Variants in COG5 observed in about 807,000 individuals in gnomAD.
COG5 encodes component of oligomeric golgi complex 5, also known as conserved oligomeric Golgi complex subunit 5.
COG5 carries 86 observed loss-of-function variants against 110.4 expected under a neutral mutation model. That is an observed-to-expected ratio of 0.78 (90% confidence interval 0.65 to 0.93). COG5 has a LOEUF of 0.93. Among genes scored for constraint, COG5 ranks in the 40% least tolerant of loss-of-function variants. COG5 has a pLI of 0.00. For missense variants in COG5, 1,077 were observed against 987.0 expected (o/e 1.09, Z -1.22); for synonymous variants, 360 against 334.6 (o/e 1.08, Z -0.83).
intron 7 of COG5, among the ~76,000 whole-genome samples, chr7:107,382,119 A>C (rs1563001111): frequency 6.6e-6 from 1 of 152,154 alleles, no homozygotes; most frequent in Admixed American, 6.5e-5. Context: ...TCCAGTGGGG[A>C]AACTGGCCTC....
chr7:107,378,705 C>G lies in COG5; in HGVS notation c.670-5945G>C, dbSNP rs1333218406. ...TGAAGATCAGCTCAATGAAATAAAGCAAGAAGACAAGATTAGAGGAAAGAG... is the reference window on the plus strand; with the variant it reads ...TGAAGATCAGCTCAATGAAATAAAGGAAGAAGACAAGATTAGAGGAAAGAG... On this transcript the variant is annotated intron_variant, in intron 7 of 21. Coordinates refer to ENST00000297135, the MANE Select transcript of COG5 (RefSeq NM_006348.5). Among the ~76,000 whole-genome samples, 5 of 151,970 alleles carry G rather than the reference C, an allele frequency of 3.3e-5. No individual in the cohort carries two copies. The East Asian group carries it at 9.6e-4, about 29-fold the overall frequency.
Position 107,236,558 on chromosome 7 carries a change from G to A in COG5, c.1983C>T (p.Asn661=), listed in dbSNP as rs759772645. 1.2e-6 allele frequency: 2 copies of A among 1,614,012 alleles called. No homozygotes were observed. Among genetic ancestry groups the A allele is most frequent in the African/African-American group, 1.3e-5 (1 of 74,930 alleles). Residue 661 remains asparagine (N), a synonymous_variant, in exon 18 of 22, where the codon AAC becomes AAT. Transcript: ENST00000297135. The stretch of plus-strand genomic sequence containing the variant: ...CAGCTCTTTGGGCAATAGCCTCAGT[G>A]TTGTCAAAGACAAAATCCAAGCATT... ...HFECLDFVFD[N]TEAIAQRAVE...
At chr7:107,309,585 G>T (rs2116982574) in intron 11 of COG5, among the ~76,000 whole-genome samples, 1 of 152,242 alleles carries the variant, frequency 6.6e-6, no homozygotes, top group Middle Eastern at 3.4e-3. Flanking sequence ...GGTTGTGGGG[G>T]CAGTTTTTGT....
At chr7:107,436,394 G>C (rs1273491953) in intron 6 of COG5, among the ~76,000 whole-genome samples, 1 of 152,150 alleles carries the variant, frequency 6.6e-6, no homozygotes, top group Non-Finnish European at 1.5e-5. Flanking sequence ...GAGGTACCTG[G>C]AGTAGTTAAA....
At chr7:107,337,583 A>G (rs560186498) in intron 10 of COG5, among the ~76,000 whole-genome samples, 18 of 152,080 alleles carry the variant, frequency 1.2e-4, no homozygotes, top group African/African-American at 4.1e-4. Flanking sequence ...CATATATGGG[A>G]GCTTAAAATT....
intron 11 of COG5, among the ~76,000 whole-genome samples, chr7:107,301,471 A>G (rs915543129): frequency 1.3e-5 from 2 of 152,230 alleles, no homozygotes; most frequent in African/African-American, 2.4e-5. Context: ...ATGGCAAACA[A>G]ACACATGAAA....
chr7:107,308,686 C>T (rs1320549269), intron 11 of COG5, among the ~76,000 whole-genome samples: 2 of 151,122 alleles, frequency 1.3e-5, no homozygotes, highest in Admixed American at 1.3e-4. Flanking sequence ...GATCGTGTTC[C>T]TTTTATTTAC....
intron 16 of COG5, among the ~76,000 whole-genome samples, chr7:107,252,596 T>C (rs773275853): frequency 8.5e-5 from 13 of 152,200 alleles, no homozygotes; most frequent in African/African-American, 1.7e-4. Flanking sequence ...AATAAAGACA[T>C]AGAAAATTTT....
At chr7:107,527,138 A>C (rs1800823429) in intron 6 of COG5, 99 bp downstream of exon 6, 12 of 1,074,210 alleles carry the variant, frequency 1.1e-5, no homozygotes, top group Non-Finnish European at 1.6e-5. Context: ...TTTGTTTAAT[A>C]GTACTTGCTA....
intron 10 of COG5, among the ~76,000 whole-genome samples, chr7:107,352,312 A>C (rs11977515): frequency 4.3e-5 from 3 of 69,226 alleles, no homozygotes; most frequent in Non-Finnish European, 7.8e-5. Flanking sequence ...GGGTGGGGGG[A>C]GGGGGGAGGG....
intron 8 of COG5, 118 bp from the exon 9 acceptor site, chr7:107,362,538 A>T: frequency 1.4e-6 from 1 of 696,628 alleles, no homozygotes. Flanking sequence ...TTCTTTAGGA[A>T]ATAATTTATT....
chr7:107,288,952 ATATATATATATT>A (rs1805919441), intron 12 of COG5, among the ~76,000 whole-genome samples: 4 of 102,688 alleles, frequency 3.9e-5, no homozygotes, highest in African/African-American at 1.2e-4. Context: ...ATATATATAT[ATATATATATATT>A]TAAAAATTTA....
At chr7:107,239,004 AT>A (rs1801416064) in intron 17 of COG5, among the ~76,000 whole-genome samples, 1 of 152,008 alleles carries the variant, frequency 6.6e-6, no homozygotes, top group South Asian at 2.1e-4. Context: ...ACATTTGTCT[AT>A]TTTTGCTTTG....
rs529486755 is a variant in COG5 at position 107,257,847 on chromosome 7, TCCTC to T, written c.1686+422_1686+425del. Among the ~76,000 whole-genome samples the T allele has an allele frequency of 5.9e-5, 9 of 152,238 alleles. 1 individual carries two copies. In the South Asian group the frequency reaches 1.9e-3, roughly 32 times the overall value. On this transcript the variant is annotated intron_variant, in intron 15 of 21. Transcript: ENST00000297135. ...ATAAAAATTCAGTTTTGAATACAGC[TCCTC>T]CCTGACTTTTTAATGCAAAGATATT... is the stretch of plus-strand genomic sequence containing the variant.
chr7:107,319,005 G>GGTC (rs1809009353), intron 11 of COG5, among the ~76,000 whole-genome samples: 2 of 151,876 alleles, frequency 1.3e-5, no homozygotes, highest in African/African-American at 4.8e-5. Flanking sequence ...GTGTCCCATG[G>GGTC]GTCCTAAGAC....
At chr7:107,554,694 A>T (rs1186969742) in intron 2 of COG5, among the ~76,000 whole-genome samples, 1 of 152,200 alleles carries the variant, frequency 6.6e-6, no homozygotes, top group East Asian at 1.9e-4. Context: ...CAAATTCAGC[A>T]TCTGGTGAGA....
chr7:107,246,069 T>G (rs954609881), intron 17 of COG5, among the ~76,000 whole-genome samples: 3 of 152,172 alleles, frequency 2.0e-5, no homozygotes, highest in Non-Finnish European at 4.4e-5. Context: ...CGCACATCTG[T>G]GACCATCTGA....
At chr7:107,357,053 A>G (rs7794896) in intron 10 of COG5, among the ~76,000 whole-genome samples, 96,382 of 151,988 alleles carry the variant, frequency 0.63, 32,867 homozygotes, top group African/African-American at 0.91. Context: ...GAATATAAGC[A>G]TTATTATTTA....
chr7:107,498,976 A>G (rs1214818239), intron 6 of COG5, among the ~76,000 whole-genome samples: 2 of 152,206 alleles, frequency 1.3e-5, no homozygotes, highest in Non-Finnish European at 2.9e-5. Flanking sequence ...TAAACAAGAA[A>G]GAAATCCTGA....
Sources: gnomAD v4.1 joint callset for allele counts (sites outside exome capture counted in the v4.1 genomes callset) on GRCh38, gnomAD v4.1.1 for gene constraint, MANE v1.5 for transcripts, NCBI Gene and HGNC (gene_info 2026-07-23, HGNC 2026-07-21) for gene names.